The following TOX2 variants were observed in gnomAD, a reference collection of about 807,000 sequenced individuals.
TOX2 encodes granulosa cell HMG box 1.
In TOX2, 15 loss-of-function variants were observed where a neutral mutation model predicts 47.4. The observed-to-expected ratio is 0.32, with a 90% CI of 0.21 to 0.49. The LOEUF (loss-of-function observed/expected upper bound fraction) is 0.49, where lower values mean the gene tolerates loss of function less well. Among genes scored for constraint, TOX2 ranks in the 20% least tolerant of loss-of-function variants. TOX2 has a pLI of 0.99. For missense variants in TOX2, 622 were observed against 673.1 expected, an observed-to-expected ratio of 0.92 and a Z score of 0.84; for synonymous variants, 290 against 296.6, an observed-to-expected ratio of 0.98 and a Z score of 0.23.
At chr20:44,012,572 A>C (rs1046974148) in intron 3 of TOX2, among the ~76,000 whole-genome samples, 1 of 152,174 alleles carries the variant, frequency 6.6e-6, no homozygotes, top group Non-Finnish European at 1.5e-5. Flanking sequence ...AGTGTCATTC[A>C]TGCATTCTCC....
intron 2 of TOX2, among the ~76,000 whole-genome samples, chr20:43,993,609 G>C (rs562982541): frequency 6.6e-6 from 1 of 152,190 alleles, no homozygotes; most frequent in African/African-American, 2.4e-5. Flanking sequence ...CATGGCCCTT[G>C]GACCAAATCT....
chr20:44,018,120 G>GT (rs1209504665), intron 3 of TOX2, among the ~76,000 whole-genome samples: 1 of 152,240 alleles, frequency 6.6e-6, no homozygotes, highest in African/African-American at 2.4e-5. Flanking sequence ...CCAGAGGACA[G>GT]TGGGAAAGCC....
intron 3 of TOX2, among the ~76,000 whole-genome samples, chr20:44,044,862 CAACT>C (rs1381154453): frequency 6.6e-6 from 1 of 152,124 alleles, no homozygotes; most frequent in Non-Finnish European, 1.5e-5. Context: ...AATGCCCAAC[CAACT>C]GCCTACCAGC....
At chr20:44,036,543 C>T (rs903156613) in intron 3 of TOX2, among the ~76,000 whole-genome samples, 1 of 152,254 alleles carries the variant, frequency 6.6e-6, no homozygotes, top group Non-Finnish European at 1.5e-5. Flanking sequence ...CAAATGCTAC[C>T]TGCCACATAA....
rs565660096 is a variant in TOX2 at position 44,066,686 on chromosome 20, C to T, written c.1357-44C>T. On this transcript the variant is annotated intron_variant, in intron 7 of 8. Transcript: ENST00000341197. ...CGGGAGGCCTGGGACAGTCTGCCCCCTCATCTCTCCTTGGCTCATGGCCTC... is the reference window on the plus strand; with the variant it reads ...CGGGAGGCCTGGGACAGTCTGCCCCTTCATCTCTCCTTGGCTCATGGCCTC... 5 of 1,613,772 alleles carry T rather than the reference C, an allele frequency of 3.1e-6. No homozygotes were observed. In the South Asian group the frequency reaches 4.4e-5, roughly 14 times the overall value.
At chr20:43,929,208 A>G (rs1476547785) in intron 1 of TOX2, among the ~76,000 whole-genome samples, 1 of 152,122 alleles carries the variant, frequency 6.6e-6, no homozygotes, top group African/African-American at 2.4e-5. Flanking sequence ...AAACCCCCAC[A>G]AAGCTGCTCA....
rs757624889 is a variant in TOX2 at position 44,011,294 on chromosome 20, T to C, written c.411+4502T>C. Among the ~76,000 whole-genome samples, 122 of 152,212 alleles carry C rather than the reference T, an allele frequency of 8.0e-4. 1 individual carries two copies. Among genetic ancestry groups the C allele is most frequent in the African/African-American group, 2.9e-3 (119 of 41,452 alleles). On this transcript the variant is annotated intron_variant, in intron 3 of 8. Transcript: ENST00000341197. Reference sequence around the variant, plus strand: ...ATCCTCAGCTGTGCGACAGCCTTCATTGAGTGCCCACTAGGTACCAGGCAT... The same window carrying C: ...ATCCTCAGCTGTGCGACAGCCTTCACTGAGTGCCCACTAGGTACCAGGCAT...
intron 3 of TOX2, among the ~76,000 whole-genome samples, chr20:44,048,971 G>A (rs994510837): frequency 2.6e-5 from 4 of 152,024 alleles, no homozygotes; most frequent in African/African-American, 7.2e-5. Flanking sequence ...ACCCCGTCTC[G>A]CTCTACTAAA....
At position 43,927,804 on chromosome 20, in the gene TOX2, C is replaced by T. The variant is rs570850306; in HGVS notation, c.99+12814C>T. 1.0e-4 allele frequency among the ~76,000 whole-genome samples: 15 copies of T among 146,244 alleles called. No homozygotes were observed. In the South Asian group the frequency reaches 3.5e-3, roughly 34 times the overall value. On this transcript the variant is annotated intron_variant, in intron 1 of 8. Coordinates refer to ENST00000341197, the MANE Select transcript of TOX2 (RefSeq NM_001098797.2). Reference sequence around the variant, plus strand: ...CCCTCCCTCCCTCCCTCTATCCCTCCTTCATACAGCCATCCAAGGAGCATG... The same window carrying T: ...CCCTCCCTCCCTCCCTCTATCCCTCTTTCATACAGCCATCCAAGGAGCATG...
chr20:44,026,252 C>CACAT (rs2071066811), intron 3 of TOX2, among the ~76,000 whole-genome samples: 7 of 81,906 alleles, frequency 8.5e-5, no homozygotes, highest in African/African-American at 4.0e-4. Context: ...TATATATAGA[C>CACAT]ACACACACAC....
chr20:44,058,215 G>T (rs2071656270), intron 5 of TOX2, among the ~76,000 whole-genome samples: 2 of 152,184 alleles, frequency 1.3e-5, no homozygotes, highest in African/African-American at 4.8e-5. Context: ...CTGTAGCCTG[G>T]GGCAAGTTCT....
chr20:43,917,023 T>C (rs77942877), intron 1 of TOX2, among the ~76,000 whole-genome samples: 4,020 of 148,916 alleles, frequency 0.027, 154 homozygotes, highest in African/African-American at 0.085. Flanking sequence ...GTAGGACCCC[T>C]GGCCCATAGC....
At chr20:43,925,390 G>T (rs1167931244) in intron 1 of TOX2, among the ~76,000 whole-genome samples, 2 of 152,266 alleles carry the variant, frequency 1.3e-5, no homozygotes, top group Non-Finnish European at 1.5e-5. Flanking sequence ...CTATTGCGGT[G>T]TGGGATGAGC....
chr20:44,026,839 G>T (rs542114860), intron 3 of TOX2, among the ~76,000 whole-genome samples: 1 of 152,228 alleles, frequency 6.6e-6, no homozygotes, highest in Admixed American at 6.5e-5. Flanking sequence ...TCTTCTGTGG[G>T]GTGAGGCCAC....
intron 3 of TOX2, among the ~76,000 whole-genome samples, chr20:44,036,880 C>T (rs1256262359): frequency 1.3e-5 from 2 of 152,244 alleles, no homozygotes. Flanking sequence ...TGGGTGCTGT[C>T]ATTTTTAGTG....
chr20:43,951,707 G>GTTTTTTTTTTTTTTTTTT lies in TOX2; in HGVS notation c.100-21656_100-21639dup. ...TGACCATTACTATTAAACTTATTAT[G>GTTTTTTTTTTTTTTTTTT]TTTTTTTTTTTTTTTTTTTTTAGAG... is the stretch of plus-strand genomic sequence containing the variant. On this transcript the variant is annotated intron_variant, in intron 1 of 8. Coordinates refer to ENST00000341197, the MANE Select transcript of TOX2 (RefSeq NM_001098797.2). Among the ~76,000 whole-genome samples the GTTTTTTTTTTTTTTTTTT allele has an allele frequency of 2.3e-3, 124 of 55,078 alleles. 24 individuals carry two copies. Among genetic ancestry groups the GTTTTTTTTTTTTTTTTTT allele is most frequent in the African/African-American group, 4.8e-3 (88 of 18,500 alleles). 36.1% of individuals were successfully genotyped at this position (55,078 alleles called of 152,430 possible).
chr20:43,979,363 G>T (rs2070133740), intron 2 of TOX2, among the ~76,000 whole-genome samples: 1 of 152,188 alleles, frequency 6.6e-6, no homozygotes, highest in East Asian at 1.9e-4. Context: ...AGGAGGAGAA[G>T]ACTGTGAAAT....
intron 2 of TOX2, among the ~76,000 whole-genome samples, chr20:43,982,585 G>C (rs1024344452): frequency 6.6e-6 from 1 of 151,976 alleles, no homozygotes; most frequent in Non-Finnish European, 1.5e-5. Flanking sequence ...GCATTGGCAG[G>C]GGCCTGGTAT....
chr20:43,939,035 G>T (rs1427206577), intron 1 of TOX2, among the ~76,000 whole-genome samples: 1 of 152,168 alleles, frequency 6.6e-6, no homozygotes, highest in African/African-American at 2.4e-5. Flanking sequence ...GGCTTCACCT[G>T]CCTCTGCAGC....
Sources: gnomAD v4.1 joint callset for allele counts (sites outside exome capture counted in the v4.1 genomes callset) on GRCh38, gnomAD v4.1.1 for gene constraint, MANE v1.5 for transcripts, NCBI Gene and HGNC (gene_info 2026-07-23, HGNC 2026-07-21) for gene names.